TRPC7: variants seen among roughly 807,000 people sequenced by gnomAD.
TRPC7 encodes short transient receptor potential channel 7.
TRPC7 carries 42 observed loss-of-function variants against 90.1 expected under a neutral mutation model. That is an observed-to-expected ratio of 0.47 (90% CI 0.36 to 0.60). TRPC7 has a LOEUF of 0.60. Ranked by LOEUF, TRPC7 falls within the 20% of genes least tolerant of loss-of-function variation. The pLI is 0.00. For synonymous variants in TRPC7, 451 were observed against 436.3 expected (o/e 1.03, Z -0.42); for missense variants, 955 against 1,112.3 (o/e 0.86, Z 2.01).
intron 2 of TRPC7, among the ~76,000 whole-genome samples, chr5:136,338,297 C>T (rs967050422): frequency 6.6e-6 from 1 of 152,176 alleles, no homozygotes; most frequent in Non-Finnish European, 1.5e-5. Context: ...ATGTTCACAC[C>T]ATTCTTACAT....
chr5:136,316,969 A>G (rs1759044002), intron 2 of TRPC7, among the ~76,000 whole-genome samples: 1 of 152,176 alleles, frequency 6.6e-6, no homozygotes, highest in African/African-American at 2.4e-5. Flanking sequence ...AAGCTCAGCC[A>G]TTTTTCTGAG....
chr5:136,266,559 A>G, intron 4 of TRPC7, 123 bp from the exon 5 acceptor site: 2 of 834,514 alleles, frequency 2.4e-6, no homozygotes, highest in South Asian at 1.8e-5. Context: ...GAAACTGCTA[A>G]CTGAACCCAT....
At chr5:136,363,662 A>G (rs1049021579) in intron 1 of TRPC7, among the ~76,000 whole-genome samples, 6 of 152,194 alleles carry the variant, frequency 3.9e-5, no homozygotes, top group African/African-American at 1.4e-4. Context: ...ATCTTGGAAT[A>G]AAAATATTAT....
In TRPC7 at chr5:136,251,901, G is replaced by C; in HGVS notation, c.1346-19C>G. The C allele has an allele frequency of 6.2e-7, 1 of 1,602,698 alleles. No individual in the cohort carries two copies. The highest frequency in any genetic ancestry group is 8.5e-7 in the Non-Finnish European group (1 of 1,169,872). ...ATCATTCCTGTGGGAGAAGGAGAAG[G>C]CCAGGCTCACTTTTCGTTTCTCTTG... On this transcript the variant is annotated intron_variant, in intron 5 of 11. Transcript: ENST00000513104.
In TRPC7 at chr5:136,357,239, G is replaced by C. The variant is rs766951728; in HGVS notation, c.149C>G (p.Ser50Trp). ...CACCGGGATGTTGCCATACTCAGCC[G>C]AGTCCAGGAAGCGCTCCTCCTCGGG... Reference protein sequence around the residue: ...LTPEEERFLDSAEYGNIPVVR... With the variant: ...LTPEEERFLDWAEYGNIPVVR... The change falls in exon 2 of 12, where the codon TCG (serine) becomes TGG (tryptophan). Residue 50 changes from serine (S) to tryptophan (W), a missense_variant. By Grantham distance (177) the Ser-to-Trp change is radical (BLOSUM62 -3). This residue lies in a region of TRPC7 where 161 missense variants were observed against 145.7 expected (regional missense o/e 1.10). Coordinates refer to ENST00000513104, the MANE Select transcript of TRPC7 (RefSeq NM_020389.3). 1 of 1,613,854 alleles carries C rather than the reference G, an allele frequency of 6.2e-7. No homozygotes were observed. Among genetic ancestry groups the C allele is most frequent in the East Asian group, 2.2e-5 (1 of 44,864 alleles).
chr5:136,293,419 G>T (rs1268440903), intron 3 of TRPC7, among the ~76,000 whole-genome samples: 1 of 152,166 alleles, frequency 6.6e-6, no homozygotes, highest in Admixed American at 6.5e-5. Context: ...ATCTCCTTAA[G>T]CTGATAAGCA....
At chr5:136,281,803 G>C (rs549069766) in intron 3 of TRPC7, among the ~76,000 whole-genome samples, 1 of 152,132 alleles carries the variant, frequency 6.6e-6, no homozygotes, top group Non-Finnish European at 1.5e-5. Flanking sequence ...CCAGTTTTTG[G>C]TTTACGGTGC....
chr5:136,289,591 G>A (rs569776867), intron 3 of TRPC7, among the ~76,000 whole-genome samples: 2 of 152,360 alleles, frequency 1.3e-5, no homozygotes, highest in South Asian at 4.1e-4. Context: ...AAGTGAGGCT[G>A]GGGGAGGGGC....
At chr5:136,259,382 C>G (rs975366623) in intron 5 of TRPC7, among the ~76,000 whole-genome samples, 1 of 152,216 alleles carries the variant, frequency 6.6e-6, no homozygotes, top group African/African-American at 2.4e-5. Flanking sequence ...TTGAGCTCCA[C>G]CTTTGTGCCA....
At chr5:136,342,468 G>A (rs1759874996) in intron 2 of TRPC7, among the ~76,000 whole-genome samples, 8 of 152,148 alleles carry the variant, frequency 5.3e-5, no homozygotes. Flanking sequence ...TGGAAAGAAT[G>A]GCTGAAGCTG....
rs770544194 is a variant in TRPC7 at position 136,315,826 on chromosome 5, A to G, written c.781-47T>C. On this transcript the variant is annotated intron_variant, in intron 2 of 11. Transcript: ENST00000513104. ...AGCGGTATGTCACATGGAGGCCCGC[A>G]GATTGGCTTGCCCAGCATAGCAGTG... 30 of 1,578,116 alleles carry G rather than the reference A, an allele frequency of 1.9e-5. No homozygotes were observed. The Middle Eastern group carries it at 6.7e-4, about 35-fold the overall frequency.
intron 3 of TRPC7, among the ~76,000 whole-genome samples, chr5:136,304,888 C>T (rs1024608164): frequency 3.3e-5 from 5 of 152,200 alleles, no homozygotes; most frequent in South Asian, 4.1e-4. Flanking sequence ...GAGCCAGGAC[C>T]GTACCCTGTA....
At chr5:136,249,345 T>C (rs116185881) in intron 6 of TRPC7, among the ~76,000 whole-genome samples, 3,143 of 152,312 alleles carry the variant, frequency 0.021, 42 homozygotes, top group Middle Eastern at 0.037. Context: ...TGATTCTAAA[T>C]TGCATTTGGA....
chr5:136,241,835 T>G (rs1756178028), intron 7 of TRPC7, among the ~76,000 whole-genome samples: 1 of 152,160 alleles, frequency 6.6e-6, no homozygotes, highest in South Asian at 2.1e-4. Flanking sequence ...GGATTATAGG[T>G]GTGAGCCACC....
chr5:136,221,033 A>C (rs1413402216), intron 10 of TRPC7, among the ~76,000 whole-genome samples: 1 of 151,930 alleles, frequency 6.6e-6, no homozygotes, highest in Non-Finnish European at 1.5e-5. Context: ...TAGATATAGA[A>C]AATAGATATA....
chr5:136,229,752 C>G (rs1580841808), intron 8 of TRPC7, among the ~76,000 whole-genome samples: 2 of 152,182 alleles, frequency 1.3e-5, no homozygotes, highest in Non-Finnish European at 2.9e-5. Flanking sequence ...AGTTAATACA[C>G]AGGGATCTTT....
intron 5 of TRPC7, among the ~76,000 whole-genome samples, chr5:136,265,152 T>C (rs1292465388): frequency 6.6e-6 from 1 of 152,208 alleles, no homozygotes; most frequent in Non-Finnish European, 1.5e-5. Flanking sequence ...TGTGATTTTG[T>C]TGATTTGACC....
intron 8 of TRPC7, 89 bp from the exon 9 acceptor site, chr5:136,226,344 A>C: frequency 1.1e-6 from 1 of 931,460 alleles, no homozygotes; most frequent in South Asian, 1.6e-5. Context: ...CAGCCCCAAC[A>C]TTCGGAAAGC....
chr5:136,319,747 A>G (rs1029449658), intron 2 of TRPC7, among the ~76,000 whole-genome samples: 8 of 152,080 alleles, frequency 5.3e-5, no homozygotes, highest in African/African-American at 1.4e-4. Flanking sequence ...ATGGCTGATC[A>G]CTTCCTTCTC....
Sources: gnomAD v4.1 joint callset for allele counts (sites outside exome capture counted in the v4.1 genomes callset) on GRCh38, gnomAD v4.1.1 for gene constraint, gnomAD v4.1.1 regional missense constraint, MANE v1.5 for transcripts, NCBI Gene and HGNC (gene_info 2026-07-23, HGNC 2026-07-21) for gene names.